Variants in LRRC4C observed in about 807,000 individuals in gnomAD.
LRRC4C encodes the protein leucine-rich repeat-containing protein 4C.
In LRRC4C, 5 loss-of-function variants were observed where a neutral mutation model predicts 33.6. That is an observed-to-expected ratio of 0.15 (90% confidence interval 0.08 to 0.31). The LOEUF (loss-of-function observed/expected upper bound fraction) is 0.31, where lower values mean the gene tolerates loss of function less well. LRRC4C is among the 10% of genes least tolerant of loss of function. LRRC4C has a pLI of 1.00. For missense variants in LRRC4C, 560 were observed against 796.7 expected, an observed-to-expected ratio of 0.70 and a Z score of 3.58; for synonymous variants, 329 against 302.0, an observed-to-expected ratio of 1.09 and a Z score of -0.93.
intron 1 of LRRC4C, among the ~76,000 whole-genome samples, chr11:41,134,484 T>C (rs1943166626): frequency 6.6e-6 from 1 of 152,204 alleles, no homozygotes; most frequent in South Asian, 2.1e-4. Context: ...CTCCTCATTG[T>C]ATGGTCAATA....
intron 2 of LRRC4C, among the ~76,000 whole-genome samples, chr11:40,715,309 T>C (rs1001191056): frequency 2.6e-5 from 4 of 152,168 alleles, no homozygotes; most frequent in African/African-American, 9.6e-5. Flanking sequence ...TTTTCACTAG[T>C]AATCAGGAAA....
chr11:41,293,223 TTTTG>T (rs1315659692), intron 1 of LRRC4C, among the ~76,000 whole-genome samples: 24 of 152,094 alleles, frequency 1.6e-4, no homozygotes, highest in Non-Finnish European at 2.8e-4. Context: ...AACAGGTTAT[TTTTG>T]TTTTATTATT....
chr11:40,524,716 ATTTG>A (rs1387247856), intron 3 of LRRC4C, among the ~76,000 whole-genome samples: 2 of 152,204 alleles, frequency 1.3e-5, no homozygotes, highest in Non-Finnish European at 2.9e-5. Context: ...AGCTCATTCA[ATTTG>A]TTTGTTCATT....
chr11:40,352,841 T>C (rs1439755177), intron 3 of LRRC4C, among the ~76,000 whole-genome samples: 2 of 152,240 alleles, frequency 1.3e-5, no homozygotes, highest in African/African-American at 4.8e-5. Context: ...ATATTTTCAC[T>C]GGATATACTA....
At chr11:41,137,801 T>C (rs1330852950) in intron 1 of LRRC4C, among the ~76,000 whole-genome samples, 3 of 152,222 alleles carry the variant, frequency 2.0e-5, no homozygotes, top group Non-Finnish European at 4.4e-5. Flanking sequence ...AAATATTTTA[T>C]GTTTCAAGGA....
intron 1 of LRRC4C, among the ~76,000 whole-genome samples, chr11:41,350,692 T>C (rs1409324961): frequency 6.6e-6 from 1 of 152,104 alleles, no homozygotes; most frequent in Non-Finnish European, 1.5e-5. Flanking sequence ...ATGAAGATCA[T>C]CAAGATTCAG....
chr11:40,283,298 T>C (rs2136469906), intron 4 of LRRC4C, among the ~76,000 whole-genome samples: 1 of 152,378 alleles, frequency 6.6e-6, no homozygotes, highest in Admixed American at 6.5e-5. Context: ...ACCCATGTAC[T>C]TGCACAAGGT....
intron 6 of LRRC4C, among the ~76,000 whole-genome samples, chr11:40,122,292 G>A (rs1855882580): frequency 6.6e-6 from 1 of 151,818 alleles, no homozygotes; most frequent in Non-Finnish European, 1.5e-5. Flanking sequence ...TGTGCAGGAC[G>A]TGCAGGTTTG....
chr11:41,009,099 T>C (rs1162329594), intron 1 of LRRC4C, among the ~76,000 whole-genome samples: 2 of 152,086 alleles, frequency 1.3e-5, no homozygotes, highest in South Asian at 2.1e-4. Flanking sequence ...AAGAATTCTT[T>C]TTAAATTTAT....
At chr11:40,118,113 A>G (rs1030011515) in intron 6 of LRRC4C, among the ~76,000 whole-genome samples, 2 of 148,548 alleles carry the variant, frequency 1.3e-5, no homozygotes, top group Non-Finnish European at 3.0e-5. Flanking sequence ...TTCATTATAA[A>G]TTGTTAATAT....
chr11:41,290,350 T>C (rs1321829963), intron 1 of LRRC4C, among the ~76,000 whole-genome samples: 2 of 152,276 alleles, frequency 1.3e-5, no homozygotes, highest in Non-Finnish European at 1.5e-5. Flanking sequence ...AATAAAAACT[T>C]TGAATATCTG....
rs989404799 is a variant in LRRC4C at position 40,890,538 on chromosome 11, G to T, written c.-407+43097C>A. Reference sequence around the variant, plus strand: ...TTCAAATATATAAAATTTTGGAGACGTATTTAAACCATAGCACTGCTGCAT... The same window carrying T: ...TTCAAATATATAAAATTTTGGAGACTTATTTAAACCATAGCACTGCTGCAT... On this transcript the variant is annotated intron_variant, in intron 2 of 6. Transcript: ENST00000528697. 2.0e-5 allele frequency among the ~76,000 whole-genome samples: 3 copies of T among 152,202 alleles called. No individual in the cohort carries two copies. The South Asian group carries it at 6.2e-4, about 32-fold the overall frequency.
intron 3 of LRRC4C, among the ~76,000 whole-genome samples, chr11:40,448,421 C>A (rs770500608): frequency 2.0e-5 from 3 of 151,960 alleles, no homozygotes; most frequent in Non-Finnish European, 4.4e-5. Context: ...CCCCGACAGG[C>A]CCTGGTGTGT....
At chr11:40,544,257 T>C (rs1956832779) in intron 3 of LRRC4C, among the ~76,000 whole-genome samples, 2 of 152,192 alleles carry the variant, frequency 1.3e-5, no homozygotes, top group East Asian at 3.9e-4. Context: ...AATTGCCTAG[T>C]CAGTATTTTC....
intron 1 of LRRC4C, among the ~76,000 whole-genome samples, chr11:40,944,733 T>C (rs1958313581): frequency 6.6e-6 from 1 of 152,144 alleles, no homozygotes; most frequent in Non-Finnish European, 1.5e-5. Context: ...GAAATAATGC[T>C]CCAGGAAAGG....
chr11:40,617,745 A>G (rs1250720589), intron 3 of LRRC4C, among the ~76,000 whole-genome samples: 1 of 151,706 alleles, frequency 6.6e-6, no homozygotes, highest in African/African-American at 2.4e-5. Flanking sequence ...ATAATCATAC[A>G]TGCCTAGGAA....
At chr11:40,214,103 C>T (rs1863803781) in intron 5 of LRRC4C, among the ~76,000 whole-genome samples, 1 of 152,182 alleles carries the variant, frequency 6.6e-6, no homozygotes, top group Non-Finnish European at 1.5e-5. Flanking sequence ...TGGAGCAACT[C>T]CATCTTTGAT....
chr11:40,936,042 A>ATATATATATATG (rs1957875610), intron 1 of LRRC4C, among the ~76,000 whole-genome samples: 1 of 70,294 alleles, frequency 1.4e-5, no homozygotes, highest in Non-Finnish European at 2.9e-5. Flanking sequence ...ATATATATAT[A>ATATATATATATG]TATATATATA....
At chr11:40,383,180 G>T (rs181903482) in intron 3 of LRRC4C, among the ~76,000 whole-genome samples, 3 of 152,214 alleles carry the variant, frequency 2.0e-5, no homozygotes, top group Admixed American at 1.3e-4. Flanking sequence ...CATTCATGTT[G>T]CAAATGGCAG....
Sources: allele counts gnomAD v4.1 joint callset (sites outside exome capture counted in the v4.1 genomes callset), GRCh38; gene constraint gnomAD v4.1.1; transcripts MANE v1.5; gene names NCBI Gene and HGNC (gene_info 2026-07-23, HGNC 2026-07-21).